ADGRB3: variants seen among roughly 807,000 people sequenced by gnomAD.
ADGRB3 encodes adhesion G protein-coupled receptor B3.
In ADGRB3, 37 loss-of-function variants were observed where a neutral mutation model predicts 193.4. That is an observed-to-expected ratio of 0.19 (90% CI 0.15 to 0.25). The LOEUF (loss-of-function observed/expected upper bound fraction) is 0.25. Among genes scored for constraint, ADGRB3 ranks in the 10% least tolerant of loss-of-function variants. ADGRB3 has a pLI of 1.00. For synonymous variants in ADGRB3, 690 were observed against 644.2 expected, an observed-to-expected ratio of 1.07 and a Z score of -1.08; for missense variants, 1,637 against 1,852.9, an observed-to-expected ratio of 0.88 and a Z score of 2.14.
intron 11 of ADGRB3, among the ~76,000 whole-genome samples, chr6:69,002,322 G>A (rs1340888448): frequency 3.3e-5 from 5 of 151,100 alleles, no homozygotes; most frequent in African/African-American, 7.3e-5. Context: ...TGGTTCAAGC[G>A]ATTCTCCTGC....
chr6:69,017,467 T>C (rs1770128206), intron 12 of ADGRB3, among the ~76,000 whole-genome samples: 1 of 151,966 alleles, frequency 6.6e-6, no homozygotes, highest in Non-Finnish European at 1.5e-5. Context: ...ATAAGCTTTA[T>C]GGGTTATACA....
At chr6:69,211,485 G>T (rs1055584524) in intron 17 of ADGRB3, among the ~76,000 whole-genome samples, 1 of 151,946 alleles carries the variant, frequency 6.6e-6, no homozygotes, top group African/African-American at 2.4e-5. Context: ...ATCTAAAAAA[G>T]TTCCTGTATT....
intron 3 of ADGRB3, among the ~76,000 whole-genome samples, chr6:68,707,263 A>G (rs1765341171): frequency 6.6e-6 from 1 of 152,194 alleles, no homozygotes; most frequent in Admixed American, 6.5e-5. Flanking sequence ...TGGCCTCCAA[A>G]TAGGCTGAAA....
At chr6:68,997,791 G>T (rs1769432728) in intron 11 of ADGRB3, among the ~76,000 whole-genome samples, 1 of 151,750 alleles carries the variant, frequency 6.6e-6, no homozygotes, top group Admixed American at 6.6e-5. Context: ...TTTCTAAAAG[G>T]TAACTTATTT....
chr6:68,845,531 G>A lies in ADGRB3; in HGVS notation c.758-85028G>A, dbSNP rs147076104. On this transcript the variant is annotated intron_variant, in intron 3 of 31. Transcript: ENST00000370598. The stretch of plus-strand genomic sequence containing the variant: ...GAATTGTATCTCCCAGAATTCCCAC[G>A]TGTTGTGGGAAGGACCTAGGGGGAA... 2.4e-4 allele frequency among the ~76,000 whole-genome samples: 37 copies of A among 152,242 alleles called. No individual in the cohort carries two copies. In the East Asian group the frequency reaches 5.2e-3, roughly 21 times the overall value.
Position 68,956,679 on chromosome 6 carries a change from T to G in ADGRB3, c.1395T>G (p.Ser465Arg), listed in dbSNP as rs752230002. 1.2e-6 allele frequency: 2 copies of G among 1,613,582 alleles called. No individual in the cohort carries two copies. Among genetic ancestry groups the G allele is most frequent in the East Asian group, 2.2e-5 (1 of 44,830 alleles). Residue 465 changes from serine to arginine, a missense_variant, in exon 8 of 32, where the codon AGT becomes AGG. Physicochemically the swap from Ser to Arg is moderately radical, Grantham distance 110. This residue lies in a region of ADGRB3 where 641 missense variants were observed against 673.9 expected (regional missense o/e 0.95). Coordinates refer to ENST00000370598, the MANE Select transcript of ADGRB3 (RefSeq NM_001704.3). ...AATGGAATCAGTGGGGTCATTGGAGTGGTTGTTCCAAGTCCTGTGATGGCG... is the reference window on the plus strand; with the variant it reads ...AATGGAATCAGTGGGGTCATTGGAGGGGTTGTTCCAAGTCCTGTGATGGCG... Reference protein sequence around the residue: ...NGQWNQWGHWSGCSKSCDGGW... With the variant: ...NGQWNQWGHWRGCSKSCDGGW...
chr6:69,085,901 T>C (rs1476114879), intron 17 of ADGRB3, among the ~76,000 whole-genome samples: 1 of 151,862 alleles, frequency 6.6e-6, no homozygotes, highest in Non-Finnish European at 1.5e-5. Context: ...TAAGGTTTGG[T>C]AATAAATATA....
At chr6:68,781,334 T>C (rs1466570287) in intron 3 of ADGRB3, among the ~76,000 whole-genome samples, 1 of 152,174 alleles carries the variant, frequency 6.6e-6, no homozygotes, top group African/African-American at 2.4e-5. Context: ...GACCTTGTTA[T>C]CTTTTAGCAC....
At chr6:69,151,257 C>T (rs1377594767) in intron 17 of ADGRB3, among the ~76,000 whole-genome samples, 1 of 152,114 alleles carries the variant, frequency 6.6e-6, no homozygotes, top group East Asian at 1.9e-4. Context: ...CCCAGAGTGT[C>T]GAGACTTGCC....
chr6:69,272,962 G>A (rs9454722), intron 20 of ADGRB3, among the ~76,000 whole-genome samples: 14,972 of 152,128 alleles, frequency 0.098, 811 homozygotes, highest in Non-Finnish European at 0.11. Context: ...GTGCAATGGC[G>A]TGATCTCTGC....
intron 3 of ADGRB3, among the ~76,000 whole-genome samples, chr6:68,777,708 G>T (rs532845916): frequency 1.3e-5 from 2 of 148,174 alleles, no homozygotes; most frequent in South Asian, 4.2e-4. Flanking sequence ...AACATGAGCA[G>T]ATATGCTAAT....
At chr6:68,702,735 C>T (rs1237712374) in intron 3 of ADGRB3, among the ~76,000 whole-genome samples, 1 of 152,128 alleles carries the variant, frequency 6.6e-6, no homozygotes, top group Non-Finnish European at 1.5e-5. Context: ...AGAGACTCTA[C>T]AGTCAGCCAA....
intron 6 of ADGRB3, among the ~76,000 whole-genome samples, chr6:68,946,446 A>C (rs1767777848): frequency 6.6e-6 from 1 of 152,122 alleles, no homozygotes; most frequent in African/African-American, 2.4e-5. Context: ...GCATATGCAA[A>C]GTTGAATGCA....
intron 3 of ADGRB3, among the ~76,000 whole-genome samples, chr6:68,855,019 T>A (rs1475766829): frequency 6.6e-6 from 1 of 152,042 alleles, no homozygotes; most frequent in Non-Finnish European, 1.5e-5. Context: ...GCCTAAGGAG[T>A]CAGACCTAGG....
intron 20 of ADGRB3, among the ~76,000 whole-genome samples, chr6:69,242,864 G>A (rs1479217043): frequency 6.6e-6 from 1 of 151,704 alleles, no homozygotes; most frequent in Non-Finnish European, 1.5e-5. Flanking sequence ...TTATTTATTT[G>A]TAAAGCATTT....
chr6:69,288,425 A>G (rs947090314), intron 20 of ADGRB3, among the ~76,000 whole-genome samples: 1 of 152,010 alleles, frequency 6.6e-6, no homozygotes, highest in Admixed American at 6.6e-5. Context: ...TATGTACCAC[A>G]TTTTCTTTTT....
chr6:69,020,723 A>G (rs528108078), intron 13 of ADGRB3, among the ~76,000 whole-genome samples: 1 of 151,996 alleles, frequency 6.6e-6, no homozygotes, highest in Non-Finnish European at 1.5e-5. Flanking sequence ...CATTATTTAT[A>G]CTGACTACCC....
intron 17 of ADGRB3, among the ~76,000 whole-genome samples, chr6:69,077,269 G>T (rs973814022): frequency 7.2e-5 from 11 of 151,926 alleles, no homozygotes; most frequent in Non-Finnish European, 2.9e-5. Context: ...AGCCAGAGAA[G>T]AATTTGGTGG....
intron 17 of ADGRB3, among the ~76,000 whole-genome samples, chr6:69,199,244 T>C (rs1424887108): frequency 1.3e-5 from 2 of 152,152 alleles, no homozygotes; most frequent in Non-Finnish European, 2.9e-5. Flanking sequence ...AGCTTTTCAA[T>C]AGACCAACTG....
Sources: gnomAD v4.1 joint callset for allele counts (sites outside exome capture counted in the v4.1 genomes callset) on GRCh38, gnomAD v4.1.1 for gene constraint, gnomAD v4.1.1 regional missense constraint, MANE v1.5 for transcripts, NCBI Gene and HGNC (gene_info 2026-07-23, HGNC 2026-07-21) for gene names.